The following GNG7 variants were observed in gnomAD, a reference collection of about 807,000 sequenced individuals.
The protein encoded by GNG7 is G protein subunit gamma 7.
In GNG7, 1 loss-of-function variant was observed where a neutral mutation model predicts 4.0. That is an observed-to-expected ratio of 0.25 (90% CI 0.09 to 1.18). The LOEUF is 1.18. GNG7 is among the 50% of genes most tolerant of loss of function. The pLI is 0.50. For synonymous variants in GNG7, 34 were observed against 36.9 expected, an observed-to-expected ratio of 0.92 and a Z score of 0.29; for missense variants, 86 against 91.9, an observed-to-expected ratio of 0.94 and a Z score of 0.26.
chr19:2,529,319 C>T (rs971908075), intron 3 of GNG7, among the ~76,000 whole-genome samples: 4 of 152,174 alleles, frequency 2.6e-5, no homozygotes, highest in South Asian at 2.1e-4. Context: ...CAGGTTCAAG[C>T]GATTCTCTTG....
rs926376859 is a variant in GNG7, at chr19:2,609,154, G to C, written c.-78+37070C>G. Among the ~76,000 whole-genome samples the C allele has an allele frequency of 6.6e-6, 1 of 151,966 alleles. No homozygotes were observed. The highest frequency in any genetic ancestry group is 1.5e-5 in the Non-Finnish European group (1 of 68,000). ...CAATCCTCCTGCCTTAGCCTCCCGA[G>C]TAGCTGGGATTACAGGCATGCACCA... is the stretch of plus-strand genomic sequence containing the variant. On this transcript the variant is annotated intron_variant, in intron 2 of 4. Coordinates refer to ENST00000382159, the MANE Select transcript of GNG7 (RefSeq NM_052847.3). This position sits in a 1 kb window ranked among gnomAD's most constrained non-coding sequence, Gnocchi z 4.4.
chr19:2,590,618 TA>T (rs1247596130), intron 2 of GNG7, among the ~76,000 whole-genome samples: 1 of 66,892 alleles, frequency 1.5e-5, no homozygotes, highest in East Asian at 9.1e-4. Context: ...TCCATCCATC[TA>T]TCCATTCATC....
chr19:2,542,658 T>C (rs1979001204), intron 3 of GNG7, among the ~76,000 whole-genome samples: 1 of 152,136 alleles, frequency 6.6e-6, no homozygotes, highest in African/African-American at 2.4e-5. Flanking sequence ...GGCAGGCGTG[T>C]TGCTCTAAGC....
intron 2 of GNG7, among the ~76,000 whole-genome samples, chr19:2,560,782 C>T (rs1979718530): frequency 1.3e-5 from 2 of 151,878 alleles, no homozygotes; most frequent in African/African-American, 4.8e-5. Context: ...CATGGGTAGA[C>T]CCCGTCTCTA....
At chr19:2,674,079 C>T (rs1041185101) in intron 1 of GNG7, among the ~76,000 whole-genome samples, 12 of 152,132 alleles carry the variant, frequency 7.9e-5, no homozygotes, top group Admixed American at 3.3e-4. Flanking sequence ...GCCTGGCCAA[C>T]GTGGTGAAAC....
intron 1 of GNG7, among the ~76,000 whole-genome samples, chr19:2,677,097 A>T (rs1983612870): frequency 2.0e-5 from 3 of 152,114 alleles, no homozygotes; most frequent in African/African-American, 7.2e-5. Context: ...CCGCTTAATT[A>T]CACTTGCATA....
chr19:2,684,910 G>A (rs1229841125), intron 1 of GNG7, among the ~76,000 whole-genome samples: 1 of 152,138 alleles, frequency 6.6e-6, no homozygotes. Flanking sequence ...GATCACCTGA[G>A]GTCAGGAGTT....
intron 2 of GNG7, among the ~76,000 whole-genome samples, chr19:2,629,340 C>T (rs539018719): frequency 3.9e-5 from 6 of 152,310 alleles, no homozygotes; most frequent in South Asian, 2.1e-4. Flanking sequence ...CAGGAGGCAG[C>T]GCTTGGTGGC....
intron 2 of GNG7, among the ~76,000 whole-genome samples, chr19:2,587,610 C>A (rs1038267259): frequency 6.6e-6 from 1 of 152,100 alleles, no homozygotes; most frequent in African/African-American, 2.4e-5. Flanking sequence ...GGGAGGCAGG[C>A]CTGGGCTGCT....
At chr19:2,536,952 ATTTTT>A (rs11288292) in intron 3 of GNG7, among the ~76,000 whole-genome samples, 1 of 108,812 alleles carries the variant, frequency 9.2e-6, no homozygotes, top group African/African-American at 3.2e-5. Flanking sequence ...TTTTATTTTT[ATTTTT>A]TTTTTTTGAG....
intron 2 of GNG7, among the ~76,000 whole-genome samples, chr19:2,576,411 T>C (rs1980341994): frequency 1.3e-5 from 2 of 152,352 alleles, no homozygotes; most frequent in African/African-American, 2.4e-5. Context: ...GGATGCTTGC[T>C]GACCCCAGGG....
At chr19:2,554,834 C>T (rs1274140126) in intron 3 of GNG7, among the ~76,000 whole-genome samples, 2 of 152,140 alleles carry the variant, frequency 1.3e-5, no homozygotes, top group Non-Finnish European at 2.9e-5. Context: ...GGATTACAGG[C>T]GTGAGCCACT....
At chr19:2,549,188 A>G (rs970615689) in intron 3 of GNG7, among the ~76,000 whole-genome samples, 1 of 152,188 alleles carries the variant, frequency 6.6e-6, no homozygotes. Context: ...GCTCAAACAC[A>G]GCAAACGGCA....
Position 2,676,462 on chromosome 19 carries a change from G to C in GNG7, c.-135+26184C>G, listed in dbSNP as rs151312761. Among the ~76,000 whole-genome samples, 1,341 of 152,238 alleles carry C rather than the reference G, an allele frequency of 8.8e-3. 24 individuals are homozygous for C. The highest frequency in any genetic ancestry group is 0.031 in the African/African-American group (1,270 of 41,538). ...CGATATATCTCTGCCGCCCAGGCTA[G>C]AGTGCAGTGGCACAGTCTCAGCTCA... On this transcript the variant is annotated intron_variant, in intron 1 of 4. Coordinates refer to ENST00000382159, the MANE Select transcript of GNG7 (RefSeq NM_052847.3).
At chr19:2,585,125 AATGAAGGAAGGAAGGG>A (rs1980633212) in intron 2 of GNG7, among the ~76,000 whole-genome samples, 1 of 65,638 alleles carries the variant, frequency 1.5e-5, no homozygotes. Flanking sequence ...AGAAGGTAGG[AATGAAGGAAGGAAGGG>A]CCTTGTTCTT....
intron 2 of GNG7, among the ~76,000 whole-genome samples, chr19:2,624,620 T>C (rs1390537278): frequency 6.6e-6 from 1 of 151,984 alleles, no homozygotes; most frequent in African/African-American, 2.4e-5. Context: ...CTCTGTCTGG[T>C]TGCCGGTGGT....
At chr19:2,559,208 A>G (rs1568243252) in intron 2 of GNG7, among the ~76,000 whole-genome samples, 3 of 152,078 alleles carry the variant, frequency 2.0e-5, no homozygotes. Flanking sequence ...TATTTGTGGT[A>G]GTTCTGTTCT....
At chr19:2,688,778 A>G (rs983042757) in intron 1 of GNG7, among the ~76,000 whole-genome samples, 29 of 152,058 alleles carry the variant, frequency 1.9e-4, no homozygotes, top group Non-Finnish European at 2.9e-5. Flanking sequence ...AAATGAACCC[A>G]TTGTTAGCCG....
chr19:2,522,847 C>G (rs1254231613), intron 3 of GNG7, among the ~76,000 whole-genome samples: 1 of 145,380 alleles, frequency 6.9e-6, no homozygotes, highest in Admixed American at 6.9e-5. Flanking sequence ...GTGTAGCATG[C>G]TTCTGTTTGT....
Sources: gnomAD v4.1 joint callset for allele counts (sites outside exome capture counted in the v4.1 genomes callset) on GRCh38, gnomAD v4.1.1 for gene constraint, Gnocchi (gnomAD v3.1) non-coding constraint, MANE v1.5 for transcripts, NCBI Gene and HGNC (gene_info 2026-07-23, HGNC 2026-07-21) for gene names.